The following FZD3 variants were observed in gnomAD, a reference collection of about 807,000 sequenced individuals.
The protein encoded by FZD3 is frizzled-3.
Under a neutral mutation model 60.7 loss-of-function variants are expected in FZD3, and 30 were observed. The ratio of observed to expected loss-of-function variants is 0.49; its 90% confidence interval spans 0.37 to 0.67. The LOEUF (loss-of-function observed/expected upper bound fraction) is 0.67, where lower values mean the gene tolerates loss of function less well. Ranked by LOEUF, FZD3 falls within the 30% of genes least tolerant of loss-of-function variation. The pLI is 0.00. For synonymous variants in FZD3, 246 were observed against 275.2 expected, an observed-to-expected ratio of 0.89 and a Z score of 1.05; for missense variants, 605 against 838.7, an observed-to-expected ratio of 0.72 and a Z score of 3.44.
At position 28,513,406 on chromosome 8, in the gene FZD3, G is replaced by C. The variant is rs1804340725; in HGVS notation, c.190-7232G>C. Among the ~76,000 whole-genome samples the C allele has an allele frequency of 2.0e-5, 3 of 152,162 alleles. 1 individual carries two copies. Among genetic ancestry groups the C allele is most frequent in the African/African-American group, 7.2e-5 (3 of 41,442 alleles). ...AACACATATTCTTCCGTGATAATGA[G>C]AAATTTCTGTAAAAAACTCACTGAA... is the stretch of plus-strand genomic sequence containing the variant. On this transcript the variant is annotated intron_variant, in intron 3 of 7. Coordinates refer to ENST00000240093, the MANE Select transcript of FZD3 (RefSeq NM_017412.4).
chr8:28,534,111 T>C (rs1041303661), intron 5 of FZD3, among the ~76,000 whole-genome samples: 1 of 152,220 alleles, frequency 6.6e-6, no homozygotes. Context: ...GTAATGTGTC[T>C]TACATAGTTA....
chr8:28,523,472 C>G (rs1409818390), intron 4 of FZD3, among the ~76,000 whole-genome samples: 1 of 151,990 alleles, frequency 6.6e-6, no homozygotes, highest in Non-Finnish European at 1.5e-5. Context: ...CTGTGTTGCC[C>G]AGGCTGGAGT....
intron 5 of FZD3, among the ~76,000 whole-genome samples, chr8:28,540,914 C>G (rs1805149613): frequency 6.6e-6 from 1 of 152,134 alleles, no homozygotes; most frequent in Non-Finnish European, 1.5e-5. Flanking sequence ...CCACTGCACT[C>G]CAGCCTGGGC....
chr8:28,562,996 T>C lies in FZD3; in HGVS notation c.1986T>C (p.Asp662=), dbSNP rs762032274. The C allele has an allele frequency of 1.9e-5, 31 of 1,609,698 alleles. No individual in the cohort carries two copies. Among genetic ancestry groups the C allele is most frequent in the Non-Finnish European group, 2.6e-5 (30 of 1,175,932 alleles). ...GTSMNRVIEE[D]GTSA ...GCATGAATCGGGTTATTGAAGAAGA[T>C]GGAACCAGTGCTTAATTTGTCTTGT... The change falls in exon 8 of 8, where the codon GAT becomes GAC. Residue 662 remains aspartate (D), a synonymous_variant. Transcript: ENST00000240093.
At chr8:28,513,458 T>C (rs1443259484) in intron 3 of FZD3, among the ~76,000 whole-genome samples, 1 of 152,210 alleles carries the variant, frequency 6.6e-6, no homozygotes, top group African/African-American at 2.4e-5. Flanking sequence ...TTTAATATGC[T>C]ATCACAGAAC....
At chr8:28,559,551 A>C (rs114004617) in intron 7 of FZD3, among the ~76,000 whole-genome samples, 1 of 152,180 alleles carries the variant, frequency 6.6e-6, no homozygotes, top group Non-Finnish European at 1.5e-5. Flanking sequence ...AATAATGTGG[A>C]TGTTTCCCAG....
intron 5 of FZD3, among the ~76,000 whole-genome samples, chr8:28,540,661 A>G (rs967422342): frequency 2.6e-5 from 4 of 152,216 alleles, no homozygotes; most frequent in African/African-American, 9.6e-5. Context: ...TAAAAATTCT[A>G]TAGCCAAGTG....
chr8:28,540,863 T>C (rs1585987383), intron 5 of FZD3, among the ~76,000 whole-genome samples: 2 of 152,308 alleles, frequency 1.3e-5, no homozygotes, highest in East Asian at 3.9e-4. Flanking sequence ...GAGAATCCTT[T>C]GAACCTGGGA....
intron 3 of FZD3, among the ~76,000 whole-genome samples, chr8:28,518,404 C>T (rs115830822): frequency 0.013 from 1,949 of 152,166 alleles, 47 homozygotes; most frequent in African/African-American, 0.044. Context: ...GTAGAGGCTG[C>T]GTTGCAATGT....
chr8:28,530,133 G>GTGTT (rs1804829064), intron 5 of FZD3, among the ~76,000 whole-genome samples: 1 of 131,628 alleles, frequency 7.6e-6, no homozygotes, highest in Non-Finnish European at 1.6e-5. Flanking sequence ...GTGTGTGTGT[G>GTGTT]TGTGTGTGTT....
At position 28,573,398 on chromosome 8, in the gene FZD3, G is replaced by C. The variant is rs1427585043; in HGVS notation, c.*10387G>C. 6.6e-6 allele frequency: 1 copy of C among 151,748 alleles called. No homozygotes were observed. Among genetic ancestry groups the C allele is most frequent in the Non-Finnish European group, 1.5e-5 (1 of 67,950 alleles). The allele number at this position is 151,748 out of a possible 1,614,324, so 9.4% of individuals were successfully genotyped here. On this transcript the variant is annotated 3_prime_UTR_variant, in exon 8 of 8. Transcript: ENST00000240093. ...GAAATAATTTAAATTAGTGTTGATG[G>C]GACTATTTTGAGGCAAGAGATACCA...
chr8:28,545,476 A>C (rs1805272891), intron 5 of FZD3, among the ~76,000 whole-genome samples: 2 of 152,198 alleles, frequency 1.3e-5, no homozygotes, highest in African/African-American at 4.8e-5. Flanking sequence ...GAAAGAGAGA[A>C]AGGTGATTGA....
At chr8:28,536,806 A>G (rs956257756) in intron 5 of FZD3, among the ~76,000 whole-genome samples, 2 of 152,222 alleles carry the variant, frequency 1.3e-5, no homozygotes, top group Non-Finnish European at 2.9e-5. Context: ...GTCTTGATTC[A>G]GAAAAATACA....
intron 5 of FZD3, among the ~76,000 whole-genome samples, chr8:28,544,404 T>C (rs759124169): frequency 1.2e-4 from 18 of 152,176 alleles, no homozygotes; most frequent in Non-Finnish European, 4.4e-5. Flanking sequence ...AGTTGATCAT[T>C]GATTTATTTA....
At chr8:28,535,444 T>C (rs1001453697) in intron 5 of FZD3, among the ~76,000 whole-genome samples, 2 of 152,238 alleles carry the variant, frequency 1.3e-5, no homozygotes, top group African/African-American at 2.4e-5. Context: ...CCTTAGTTTT[T>C]ATCTAATGTC....
chr8:28,546,846 G>A (rs563504016), intron 5 of FZD3, among the ~76,000 whole-genome samples: 57 of 152,092 alleles, frequency 3.7e-4, no homozygotes, highest in Non-Finnish European at 6.5e-4. Context: ...ATGGTGGCAG[G>A]CACCTGTAGT....
intron 3 of FZD3, among the ~76,000 whole-genome samples, chr8:28,514,644 C>T (rs1804377335): frequency 6.6e-6 from 1 of 152,170 alleles, no homozygotes; most frequent in Non-Finnish European, 1.5e-5. Flanking sequence ...GCCGTATCTA[C>T]TTCTTTAGGT....
At chr8:28,546,697 T>C (rs1805301154) in intron 5 of FZD3, among the ~76,000 whole-genome samples, 1 of 152,142 alleles carries the variant, frequency 6.6e-6, no homozygotes. Context: ...GGTTCGAGGC[T>C]GGGCGCAGTG....
At chr8:28,555,308 A>C (rs989808468) in intron 6 of FZD3, among the ~76,000 whole-genome samples, 1 of 152,182 alleles carries the variant, frequency 6.6e-6, no homozygotes, top group African/African-American at 2.4e-5. Context: ...GCAAGAAAAC[A>C]ATTTTTCTAT....
Sources: gnomAD v4.1 joint callset for allele counts (sites outside exome capture counted in the v4.1 genomes callset) on GRCh38, gnomAD v4.1.1 for gene constraint, MANE v1.5 for transcripts, NCBI Gene and HGNC (gene_info 2026-07-23, HGNC 2026-07-21) for gene names.